Variants in CSMD1 observed in about 807,000 individuals in gnomAD.
The protein encoded by CSMD1 is CUB and Sushi multiple domains 1.
CSMD1 carries 213 observed loss-of-function variants against 417.5 expected under a neutral mutation model. The ratio of observed to expected loss-of-function variants is 0.51; its 90% CI spans 0.46 to 0.57. CSMD1 has a LOEUF of 0.57. Among genes scored for constraint, CSMD1 ranks in the 20% least tolerant of loss-of-function variants. The pLI is 0.00. For synonymous variants in CSMD1, 2,862 were observed against 1,736.8 expected (o/e 1.65, Z -16.11); for missense variants, 6,923 against 4,529.7 (o/e 1.53, Z -15.17).
intron 2 of CSMD1, among the ~76,000 whole-genome samples, chr8:4,597,020 T>C (rs1048064402): frequency 6.6e-6 from 1 of 152,220 alleles, no homozygotes; most frequent in Non-Finnish European, 1.5e-5. Context: ...CCCAGCCATG[T>C]AGAACTGTAA....
At position 4,146,390 on chromosome 8, in the gene CSMD1, G is replaced by A. The variant is rs1459805212; in HGVS notation, c.416-114291C>T. Reference sequence around the variant, plus strand: ...TCGACTTGCAGAGCTGGCAATTCGGGGTTGATAATGTGGCACAGCAGACTC... The same window carrying A: ...TCGACTTGCAGAGCTGGCAATTCGGAGTTGATAATGTGGCACAGCAGACTC... On this transcript the variant is annotated intron_variant, in intron 3 of 69. Transcript: ENST00000635120. Among the ~76,000 whole-genome samples, 4 of 150,308 alleles carry A rather than the reference G, an allele frequency of 2.7e-5. 1 individual carries two copies. The highest frequency in any genetic ancestry group is 5.0e-5 in the African/African-American group (2 of 39,856).
intron 21 of CSMD1, among the ~76,000 whole-genome samples, chr8:3,353,901 T>C (rs1483924735): frequency 6.6e-6 from 1 of 152,190 alleles, no homozygotes; most frequent in African/African-American, 2.4e-5. Context: ...AAGGAGTTAA[T>C]TGATTTTTCA....
At chr8:3,712,465 T>C (rs1400224636) in intron 6 of CSMD1, among the ~76,000 whole-genome samples, 1 of 151,770 alleles carries the variant, frequency 6.6e-6, no homozygotes, top group Non-Finnish European at 1.5e-5. Context: ...AAACTAGAGC[T>C]GCAGGAATGC....
rs549104572 is a variant in CSMD1 at position 4,535,295 on chromosome 8, T to C, written c.302+102047A>G. Reference sequence around the variant, plus strand: ...ACCAAAATCACAGGGGGAAGTCAATTATTTGTTATCTGAAAAATAATATGT... The same window carrying C: ...ACCAAAATCACAGGGGGAAGTCAATCATTTGTTATCTGAAAAATAATATGT... On this transcript the variant is annotated intron_variant, in intron 2 of 69. Transcript: ENST00000635120. Among the ~76,000 whole-genome samples the C allele has an allele frequency of 1.6e-3, 240 of 152,314 alleles. 1 individual carries two copies. The highest frequency in any genetic ancestry group is 2.9e-3 in the Non-Finnish European group (199 of 68,016).
chr8:4,872,459 C>A (rs1055768047), intron 1 of CSMD1, among the ~76,000 whole-genome samples: 3 of 151,998 alleles, frequency 2.0e-5, no homozygotes, highest in African/African-American at 7.3e-5. Context: ...AGGATTCCTC[C>A]CATCACTCAG....
chr8:4,301,858 C>T (rs778754783), intron 3 of CSMD1, among the ~76,000 whole-genome samples: 2 of 136,002 alleles, frequency 1.5e-5, no homozygotes, highest in African/African-American at 2.9e-5. Flanking sequence ...CACCATTCTT[C>T]TGCCCAAGCT....
chr8:3,152,299 C>A (rs143460410), intron 39 of CSMD1, among the ~76,000 whole-genome samples: 1 of 152,156 alleles, frequency 6.6e-6, no homozygotes, highest in African/African-American at 2.4e-5. Context: ...TGATACAAGA[C>A]GAAGCATTTG....
chr8:4,537,961 T>G (rs1797183563), intron 2 of CSMD1, among the ~76,000 whole-genome samples: 1 of 152,214 alleles, frequency 6.6e-6, no homozygotes, highest in African/African-American at 2.4e-5. Flanking sequence ...CCAATTTGCT[T>G]TTAACAGCTG....
At chr8:3,319,189 G>T (rs940912314) in intron 23 of CSMD1, among the ~76,000 whole-genome samples, 1 of 152,128 alleles carries the variant, frequency 6.6e-6, no homozygotes, top group Non-Finnish European at 1.5e-5. Context: ...TCAAAAAAAT[G>T]AAACTCACAT....
chr8:4,814,898 A>C (rs1238075850), intron 1 of CSMD1, among the ~76,000 whole-genome samples: 2 of 152,212 alleles, frequency 1.3e-5, no homozygotes, highest in Non-Finnish European at 2.9e-5. Context: ...AAACTATATA[A>C]TCACAAAACT....
chr8:4,194,922 C>A (rs190271857), intron 3 of CSMD1, among the ~76,000 whole-genome samples: 1 of 151,878 alleles, frequency 6.6e-6, no homozygotes, highest in East Asian at 1.9e-4. Context: ...TGGGAGATCA[C>A]AGTAGAAGAG....
At chr8:3,922,092 G>C (rs1021178725) in intron 5 of CSMD1, among the ~76,000 whole-genome samples, 39 of 152,016 alleles carry the variant, frequency 2.6e-4, no homozygotes, top group East Asian at 1.9e-4. Flanking sequence ...ATTTTATATA[G>C]TTTTCATGAA....
intron 7 of CSMD1, among the ~76,000 whole-genome samples, chr8:3,669,171 A>G (rs1798856603): frequency 6.6e-6 from 1 of 152,226 alleles, no homozygotes; most frequent in South Asian, 2.1e-4. Flanking sequence ...CGTACAAATG[A>G]GCATAAAGTT....
chr8:3,216,930 A>T (rs922997662), intron 29 of CSMD1, among the ~76,000 whole-genome samples: 1 of 152,136 alleles, frequency 6.6e-6, no homozygotes, highest in Non-Finnish European at 1.5e-5. Context: ...ATACAATGAC[A>T]TCACTGCACC....
At chr8:3,584,466 A>G (rs1242782401) in intron 9 of CSMD1, among the ~76,000 whole-genome samples, 1 of 152,174 alleles carries the variant, frequency 6.6e-6, no homozygotes, top group Non-Finnish European at 1.5e-5. Flanking sequence ...TGGGGGGTTG[A>G]GAAGGATGGG....
At chr8:3,739,421 G>A (rs1374903342) in intron 6 of CSMD1, among the ~76,000 whole-genome samples, 1 of 152,164 alleles carries the variant, frequency 6.6e-6, no homozygotes, top group Non-Finnish European at 1.5e-5. Context: ...TCCCAACACA[G>A]AGAAATAATA....
chr8:3,468,635 C>G, intron 12 of CSMD1, 77 bp downstream of exon 12: 1 of 849,802 alleles, frequency 1.2e-6, no homozygotes, highest in Non-Finnish European at 1.8e-6. Context: ...TTTACTTCTA[C>G]CTAACCAACA....
At chr8:3,487,706 G>T (rs1485217738) in intron 11 of CSMD1, among the ~76,000 whole-genome samples, 1 of 152,164 alleles carries the variant, frequency 6.6e-6, no homozygotes, top group African/African-American at 2.4e-5. Context: ...TGTCAAGAAG[G>T]CGGGTCCCTT....
intron 5 of CSMD1, among the ~76,000 whole-genome samples, chr8:3,900,288 T>G (rs1221820402): frequency 6.7e-6 from 1 of 150,136 alleles, no homozygotes; most frequent in Non-Finnish European, 1.5e-5. Context: ...ACAGTGCAGC[T>G]GCGTGACACT....
Sources: gnomAD v4.1 joint callset for allele counts (sites outside exome capture counted in the v4.1 genomes callset) on GRCh38, gnomAD v4.1.1 for gene constraint, MANE v1.5 for transcripts, NCBI Gene and HGNC (gene_info 2026-07-23, HGNC 2026-07-21) for gene names.